Variants in ANO10 observed in about 807,000 individuals in gnomAD.
The protein encoded by ANO10 is anoctamin 10.
ANO10 carries 77 observed loss-of-function variants against 74.7 expected under a neutral mutation model. That is an observed-to-expected ratio of 1.03 (90% CI 0.86 to 1.25). ANO10 has a LOEUF of 1.25. ANO10 is among the 50% of genes most tolerant of loss of function. The pLI is 0.00. For synonymous variants in ANO10, 279 were observed against 284.9 expected (o/e 0.98, Z 0.21); for missense variants, 721 against 778.1 (o/e 0.93, Z 0.87).
chr3:43,628,048 T>G (rs2083508960), intron 1 of ANO10, among the ~76,000 whole-genome samples: 1 of 152,070 alleles, frequency 6.6e-6, no homozygotes, highest in Non-Finnish European at 1.5e-5. Flanking sequence ...AGTAGTTGGT[T>G]CTTTTAGGAT....
At chr3:43,534,940 G>A (rs1345465569) in intron 11 of ANO10, among the ~76,000 whole-genome samples, 1 of 151,890 alleles carries the variant, frequency 6.6e-6, no homozygotes, top group African/African-American at 2.4e-5. Flanking sequence ...CACACTCAGA[G>A]CTCTGCTAAC....
At chr3:43,500,819 TAGA>T (rs1365623653) in intron 11 of ANO10, among the ~76,000 whole-genome samples, 1 of 152,184 alleles carries the variant, frequency 6.6e-6, no homozygotes, top group East Asian at 1.9e-4. Context: ...GGCATAATCT[TAGA>T]AGGTTTAGAA....
chr3:43,476,029 C>T (rs1385911947), intron 11 of ANO10, among the ~76,000 whole-genome samples: 2 of 152,094 alleles, frequency 1.3e-5, no homozygotes, highest in Non-Finnish European at 2.9e-5. Context: ...TCAAAAATGT[C>T]CATGGCCATT....
chr3:43,540,153 A>T (rs888142186), intron 11 of ANO10, among the ~76,000 whole-genome samples: 1 of 152,234 alleles, frequency 6.6e-6, no homozygotes, highest in Non-Finnish European at 1.5e-5. Context: ...TTCCTTCGTT[A>T]ATCAAAACAG....
At chr3:43,576,557 T>A (rs996423050) in intron 6 of ANO10, 135 bp downstream of exon 6, 4 of 834,422 alleles carry the variant, frequency 4.8e-6, no homozygotes, top group Admixed American at 4.6e-5. Flanking sequence ...AGCTGATAAA[T>A]TTTTCCTTAT....
chr3:43,447,500 T>C (rs566352061), intron 11 of ANO10, among the ~76,000 whole-genome samples: 42 of 152,294 alleles, frequency 2.8e-4, no homozygotes, highest in African/African-American at 9.9e-4. Context: ...GCCATTTGCA[T>C]TTTGCTTTTT....
chr3:43,495,501 C>T (rs1313424381), intron 11 of ANO10, among the ~76,000 whole-genome samples: 1 of 151,960 alleles, frequency 6.6e-6, no homozygotes, highest in African/African-American at 2.4e-5. Flanking sequence ...ACTTAAAATA[C>T]AAAATTCCTG....
At chr3:43,459,583 T>C (rs934729665) in intron 11 of ANO10, among the ~76,000 whole-genome samples, 1 of 152,022 alleles carries the variant, frequency 6.6e-6, no homozygotes, top group Non-Finnish European at 1.5e-5. Context: ...CTAAGAGGCA[T>C]GATGGAGCTG....
intron 11 of ANO10, among the ~76,000 whole-genome samples, chr3:43,534,334 T>C (rs17075784): frequency 0.025 from 3,762 of 152,310 alleles, 154 homozygotes; most frequent in African/African-American, 0.085. Context: ...TGTTACATTT[T>C]AGAAGACAAA....
chr3:43,407,849 A>C (rs1559516076), intron 12 of ANO10, among the ~76,000 whole-genome samples: 1 of 152,250 alleles, frequency 6.6e-6, no homozygotes, highest in Non-Finnish European at 1.5e-5. Flanking sequence ...AACAGGGTAC[A>C]GTCCAGTGGC....
Position 43,600,512 on chromosome 3 carries a change from T to A in ANO10, c.209A>T (p.Tyr70Phe), listed in dbSNP as rs1450276079. Residue 70 changes from tyrosine to phenylalanine, a missense_variant, in exon 3 of 13, where the codon TAT becomes TTT. Transcript: ENST00000292246. The stretch of plus-strand genomic sequence containing the variant: ...TCTAATCTTGGAGGCACCAACAAGA[T>A]ATAAGTTCTGATTTTCTAGTGTTTC... ...EQETLENQNL[Y>F]LVGASKIRML... 6.2e-7 allele frequency: 1 copy of A among 1,613,814 alleles called. No individual in the cohort carries two copies. The highest frequency in any genetic ancestry group is 1.3e-5 in the African/African-American group (1 of 74,934).
At chr3:43,369,598 G>C (rs1015076245) in intron 12 of ANO10, among the ~76,000 whole-genome samples, 1 of 152,216 alleles carries the variant, frequency 6.6e-6, no homozygotes, top group African/African-American at 2.4e-5. Flanking sequence ...GGAGGGGACA[G>C]GAAGGCTGTG....
chr3:43,421,304 T>C (rs980406424), intron 12 of ANO10, among the ~76,000 whole-genome samples: 3 of 152,130 alleles, frequency 2.0e-5, no homozygotes, highest in Admixed American at 6.6e-5. Flanking sequence ...GTGAATTGCT[T>C]GAGCTCAGAA....
chr3:43,572,520 A>G (rs1419098379), intron 7 of ANO10, among the ~76,000 whole-genome samples: 1 of 152,200 alleles, frequency 6.6e-6, no homozygotes, highest in Non-Finnish European at 1.5e-5. Flanking sequence ...CTGGGAGGCT[A>G]TAACAACCAG....
chr3:43,544,157 A>G (rs1559675095), intron 11 of ANO10, among the ~76,000 whole-genome samples: 1 of 152,172 alleles, frequency 6.6e-6, no homozygotes. Context: ...TTTGCCTCAA[A>G]AAGAAGGATG....
chr3:43,404,956 A>C (rs1280689956), intron 12 of ANO10, among the ~76,000 whole-genome samples: 1 of 152,118 alleles, frequency 6.6e-6, no homozygotes, highest in African/African-American at 2.4e-5. Context: ...TCAAGCTAGA[A>C]ACTCTTTATG....
At chr3:43,543,816 C>A (rs910256914) in intron 11 of ANO10, among the ~76,000 whole-genome samples, 2 of 152,288 alleles carry the variant, frequency 1.3e-5, no homozygotes, top group East Asian at 1.9e-4. Flanking sequence ...TACAGGCAGG[C>A]TTGGTGGTCA....
At chr3:43,672,564 A>C (rs993889316) in intron 1 of ANO10, among the ~76,000 whole-genome samples, 17 of 152,064 alleles carry the variant, frequency 1.1e-4, no homozygotes, top group African/African-American at 4.1e-4. Flanking sequence ...AACAAAAAAC[A>C]CCTTATTTCA....
chr3:43,650,669 T>C (rs1390449824), intron 1 of ANO10, among the ~76,000 whole-genome samples: 1 of 152,208 alleles, frequency 6.6e-6, no homozygotes, highest in Non-Finnish European at 1.5e-5. Flanking sequence ...AGAATTAAAG[T>C]ACTGAATCAT....
Sources: allele counts gnomAD v4.1 joint callset (sites outside exome capture counted in the v4.1 genomes callset), GRCh38; gene constraint gnomAD v4.1.1; transcripts MANE v1.5; gene names NCBI Gene and HGNC (gene_info 2026-07-23, HGNC 2026-07-21).